ROS1: variants seen among roughly 807,000 people sequenced by gnomAD.
ROS1 encodes proto-oncogene tyrosine-protein kinase ROS.
A neutral mutation model predicts 273.5 loss-of-function variants in ROS1; 263 were observed. The ratio of observed to expected loss-of-function variants is 0.96; its 90% CI spans 0.87 to 1.06. The LOEUF (loss-of-function observed/expected upper bound fraction) is 1.06, where lower values mean the gene tolerates loss of function less well. Ranked by LOEUF, ROS1 falls within the 50% of genes least tolerant of loss-of-function variation. ROS1 has a pLI of 0.00. For missense variants in ROS1, 2,833 were observed against 2,751.1 expected (o/e 1.03, Z -0.67); for synonymous variants, 1,008 against 954.1 (o/e 1.06, Z -1.04).
At chr6:117,352,967 G>A (rs1168992259) in intron 27 of ROS1, 23 bp downstream of exon 27, 1 of 1,607,292 alleles carries the variant, frequency 6.2e-7, no homozygotes. Context: ...AGAACAAGCT[G>A]ATTACGAATG....
chr6:117,415,567 TTC>T (rs1775274599), intron 3 of ROS1, among the ~76,000 whole-genome samples: 2 of 152,162 alleles, frequency 1.3e-5, no homozygotes, highest in Admixed American at 1.3e-4. Flanking sequence ...AGGAGAAAGA[TTC>T]TGTTATTATC....
At chr6:117,360,881 TA>T (rs1335089482) in intron 22 of ROS1, among the ~76,000 whole-genome samples, 1 of 152,120 alleles carries the variant, frequency 6.6e-6, no homozygotes, top group Non-Finnish European at 1.5e-5. Flanking sequence ...CAAATTATGA[TA>T]AACTTCCATT....
chr6:117,342,930 TAA>T (rs1372397457), intron 28 of ROS1, among the ~76,000 whole-genome samples: 1 of 152,194 alleles, frequency 6.6e-6, no homozygotes, highest in Non-Finnish European at 1.5e-5. Flanking sequence ...AAATAAAGTT[TAA>T]GAGAGTAAAA....
intron 38 of ROS1, 56 bp downstream of exon 38, chr6:117,318,132 G>A: frequency 1.5e-6 from 2 of 1,313,132 alleles, no homozygotes; most frequent in South Asian, 2.4e-5. Context: ...TTAAAAATAA[G>A]TCAAGCGGAC....
rs187079042 is a variant in ROS1, at chr6:117,386,837, G to T, written c.2110+52C>A. ...TTTGATTCATTGAATGATGTGGGAA[G>T]TCTTATGAGTAGAAATCTGTCATTC... On this transcript the variant is annotated intron_variant, in intron 15 of 43. Coordinates refer to ENST00000368507, the MANE Select transcript of ROS1 (RefSeq NM_001378902.1). 4.6e-5 allele frequency: 41 copies of T among 896,274 alleles called. No homozygotes were observed. In the Admixed American group the frequency reaches 8.5e-4, roughly 19 times the overall value. The allele number at this position is 896,274 out of a possible 1,614,324, so 55.5% of individuals were successfully genotyped here. A position where few individuals can be genotyped will look rare whatever the true frequency, so the allele number is the denominator to read the frequency against.
chr6:117,418,861 A>C (rs1294785138), intron 1 of ROS1, among the ~76,000 whole-genome samples: 7 of 152,206 alleles, frequency 4.6e-5, no homozygotes, highest in Non-Finnish European at 1.0e-4. Flanking sequence ...TTTCCTTTTT[A>C]AAATTAAGAG....
chr6:117,372,481 A>G (rs866393066), intron 18 of ROS1, among the ~76,000 whole-genome samples: 7 of 152,238 alleles, frequency 4.6e-5, no homozygotes, highest in Non-Finnish European at 8.8e-5. Context: ...GACTTCAAGA[A>G]TGAAACCACA....
intron 18 of ROS1, among the ~76,000 whole-genome samples, chr6:117,377,881 C>A (rs187585997): frequency 6.6e-6 from 1 of 152,030 alleles, no homozygotes; most frequent in East Asian, 1.9e-4. Flanking sequence ...CTTGAACAGG[C>A]ATATCATAAA....
At position 117,341,033 on chromosome 6, in the gene ROS1, A is replaced by T. The variant is rs904861829; in HGVS notation, c.5061+102T>A. ...CAAACATAAATCAATGAAAGTTGTC[A>T]AATATATTGTTTATTTATACATGAG... On this transcript the variant is annotated intron_variant, in intron 31 of 43. Transcript: ENST00000368507. 3 of 740,012 alleles carry T rather than the reference A, an allele frequency of 4.1e-6. No individual in the cohort carries two copies. The African/African-American group carries it at 5.4e-5, about 13-fold the overall frequency. The allele number at this position is 740,012 out of a possible 1,614,324, so 45.8% of individuals were successfully genotyped here.
In ROS1 at chr6:117,365,158, C is replaced by A. The variant is rs748850729; in HGVS notation, c.3005G>T (p.Gly1002Val). 17 of 1,613,082 alleles carry A rather than the reference C, an allele frequency of 1.1e-5. No homozygotes were observed. Among genetic ancestry groups the A allele is most frequent in the Non-Finnish European group, 1.4e-5 (16 of 1,179,162 alleles). ...ATTAAATAAGGCATAAGGTTCCAGTCCTTCCACAGTAAATACAGGTAAAGA... is the reference window on the plus strand; with the variant it reads ...ATTAAATAAGGCATAAGGTTCCAGTACTTCCACAGTAAATACAGGTAAAGA... ...QHSLPVFTVE[G>V]LEPYALFNLS... Residue 1002 changes from glycine to valine, a missense_variant, in exon 21 of 44, where the codon GGA (glycine) becomes GTA (valine). Transcript: ENST00000368507.
At chr6:117,344,613 G>C (rs193113527) in intron 27 of ROS1, among the ~76,000 whole-genome samples, 1 of 152,196 alleles carries the variant, frequency 6.6e-6, no homozygotes, top group African/African-American at 2.4e-5. Context: ...CATGTGACAC[G>C]GTCTGGTTAG....
intron 32 of ROS1, among the ~76,000 whole-genome samples, chr6:117,333,110 A>G (rs1288737056): frequency 2.0e-5 from 3 of 152,104 alleles, no homozygotes; most frequent in African/African-American, 7.2e-5. Flanking sequence ...TAGCTAGAGA[A>G]ATAAAGAAGG....
chr6:117,307,901 C>T (rs886596383), intron 42 of ROS1, among the ~76,000 whole-genome samples: 41 of 152,082 alleles, frequency 2.7e-4, no homozygotes, highest in African/African-American at 9.7e-4. Flanking sequence ...CACAGTTTAG[C>T]ACTTTATTAC....
intron 4 of ROS1, 99 bp from the exon 5 acceptor site, chr6:117,409,741 G>A (rs749032930): frequency 2.3e-6 from 2 of 855,796 alleles, no homozygotes; most frequent in Admixed American, 1.9e-5. Context: ...TAATATGCAA[G>A]TATATCTTTG....
At position 117,341,136 on chromosome 6, in the gene ROS1, T is replaced by G; in HGVS notation, c.5060A>C (p.Lys1687Thr). The G allele has an allele frequency of 6.3e-7, 1 of 1,599,600 alleles. No homozygotes were observed. Among genetic ancestry groups the G allele is most frequent in the Non-Finnish European group, 8.5e-7 (1 of 1,173,982 alleles). Residue 1687 changes from lysine to threonine, a missense_variant and splice_region_variant, in exon 31 of 44, where the codon AAG becomes ACG. Coordinates refer to ENST00000368507, the MANE Select transcript of ROS1 (RefSeq NM_001378902.1). ...TAAAGACTTGCATTAAAAGTCTACC[T>G]TCTGTAGCTCAACCCAAAATCTGAT... ...NLIRFWVELQ[K>T]WKYNEFYHVK...
Position 117,317,260 on chromosome 6 carries a change from A to T in ROS1, c.6000T>A (p.His2000Gln), listed in dbSNP as rs763916632. ...KEAHLMSKFNHPNILKQLGVC... is the reference protein window; with the variant it reads ...KEAHLMSKFNQPNILKQLGVC... Reference sequence around the variant, plus strand: ...CTCCAAGCTGCTTCAGAATGTTGGGATGATTAAATTTGCTGAAAGGTGGAA... The same window carrying T: ...CTCCAAGCTGCTTCAGAATGTTGGGTTGATTAAATTTGCTGAAAGGTGGAA... The change falls in exon 39 of 44, where the codon CAT becomes CAA. Residue 2000 changes from histidine (H) to glutamine (Q), a missense_variant. Coordinates refer to ENST00000368507, the MANE Select transcript of ROS1 (RefSeq NM_001378902.1). The T allele has an allele frequency of 6.2e-7, 1 of 1,611,656 alleles. No individual in the cohort carries two copies. The highest frequency in any genetic ancestry group is 8.5e-7 in the Non-Finnish European group (1 of 1,179,070).
chr6:117,379,145 AG>A lies in ROS1; in HGVS notation c.2495del (p.Thr832IlefsTer2). On this transcript the variant is annotated frameshift_variant, in exon 18 of 44. Transcript: ENST00000368507. LOFTEE classifies it high-confidence loss of function. ...WFSGKKVIALTLDLSDGLLYW... is the reference protein window; with the variant it reads ...WFSGKKVIALXLDLSDGLLYW... ...ACAGGAGCCCATCACTGAGGTCTAA[AG>A]TTAGAGCAATTACCTAAGTAGAAAG... is the stretch of plus-strand genomic sequence containing the variant. The A allele has an allele frequency of 6.2e-7, 1 of 1,609,518 alleles. No homozygotes were observed. The highest frequency in any genetic ancestry group is 1.7e-5 in the Admixed American group (1 of 59,886).
intron 33 of ROS1, among the ~76,000 whole-genome samples, chr6:117,328,975 T>C (rs1358119657): frequency 6.6e-6 from 1 of 152,250 alleles, no homozygotes; most frequent in Non-Finnish European, 1.5e-5. Context: ...TAAAGCAAAT[T>C]ATCATCAGGA....
chr6:117,289,013 T>C (rs578105660), intron 43 of ROS1, among the ~76,000 whole-genome samples: 29 of 152,312 alleles, frequency 1.9e-4, no homozygotes, highest in African/African-American at 7.0e-4. Context: ...GCAGACCATA[T>C]AGATCTGCTA....
Sources: allele counts gnomAD v4.1 joint callset (sites outside exome capture counted in the v4.1 genomes callset), GRCh38; gene constraint gnomAD v4.1.1; transcripts MANE v1.5; gene names NCBI Gene and HGNC (gene_info 2026-07-23, HGNC 2026-07-21).